DOCK2: variants seen among roughly 807,000 people sequenced by gnomAD.
DOCK2 encodes the protein dedicator of cytokinesis protein 2.
A neutral mutation model predicts 248.9 loss-of-function variants in DOCK2; 87 were observed. The ratio of observed to expected loss-of-function variants is 0.35; its 90% CI spans 0.29 to 0.42. The LOEUF (loss-of-function observed/expected upper bound fraction) is 0.42, where lower values mean the gene tolerates loss of function less well. DOCK2 is among the 10% of genes least tolerant of loss of function. DOCK2 has a pLI of 1.00. For synonymous variants in DOCK2, 805 were observed against 821.6 expected (o/e 0.98, Z 0.35); for missense variants, 1,747 against 2,300.2 (o/e 0.76, Z 4.92).
At chr5:169,652,892 AG>A (rs902401876) in intron 1 of DOCK2, among the ~76,000 whole-genome samples, 11 of 152,210 alleles carry the variant, frequency 7.2e-5, no homozygotes, top group Admixed American at 2.0e-4. Flanking sequence ...GACACAGAGC[AG>A]CATTGGCTAT....
intron 25 of DOCK2, among the ~76,000 whole-genome samples, chr5:169,797,729 G>A (rs1766739925): frequency 6.6e-6 from 1 of 152,162 alleles, no homozygotes; most frequent in South Asian, 2.1e-4. Flanking sequence ...GGGTGTGCAG[G>A]TCTCTGACAT....
At position 170,056,709 on chromosome 5, in the gene DOCK2, A is replaced by T; in HGVS notation, c.4321A>T (p.Arg1441Trp). ...CTTCTACAAATCCAACTACGTGCAA[A>T]GGTTCCACTACTCCCGGCCCGTGCG... is the stretch of plus-strand genomic sequence containing the variant. Reference protein sequence around the residue: ...INFYKSNYVQRFHYSRPVRRG... With the variant: ...INFYKSNYVQWFHYSRPVRRG... Residue 1441 changes from arginine (R) to tryptophan (W), a missense_variant, in exon 43 of 52, where the codon AGG becomes TGG. This residue lies in a region of DOCK2 where 513 missense variants were observed against 586.1 expected (regional missense o/e 0.88). Transcript: ENST00000520908. The T allele has an allele frequency of 9.9e-6, 16 of 1,614,022 alleles. No individual in the cohort carries two copies. Among genetic ancestry groups the T allele is most frequent in the Non-Finnish European group, 1.3e-5 (15 of 1,179,956 alleles).
chr5:169,957,429 A>G (rs1273435614), intron 27 of DOCK2, among the ~76,000 whole-genome samples: 3 of 152,336 alleles, frequency 2.0e-5, no homozygotes, highest in Non-Finnish European at 2.9e-5. Flanking sequence ...GCTTAGTACT[A>G]CTTTTTCTGT....
At chr5:169,751,224 C>T (rs1043410905) in intron 23 of DOCK2, among the ~76,000 whole-genome samples, 9 of 152,198 alleles carry the variant, frequency 5.9e-5, no homozygotes, top group Middle Eastern at 3.4e-3. Context: ...ATTCAGAAGG[C>T]GGGCATTTGT....
At chr5:169,837,720 A>G (rs965509527) in intron 26 of DOCK2, among the ~76,000 whole-genome samples, 1 of 152,146 alleles carries the variant, frequency 6.6e-6, no homozygotes, top group Non-Finnish European at 1.5e-5. Flanking sequence ...CAATTTGCCC[A>G]AGGTCACCCA....
intron 27 of DOCK2, among the ~76,000 whole-genome samples, chr5:169,898,880 G>C (rs532597004): frequency 2.0e-5 from 3 of 152,186 alleles, no homozygotes; most frequent in Admixed American, 1.3e-4. Flanking sequence ...CAGCAAGTCA[G>C]AGAACCAGAT....
At chr5:169,692,335 A>C (rs1181746962) in intron 9 of DOCK2, among the ~76,000 whole-genome samples, 1 of 152,228 alleles carries the variant, frequency 6.6e-6, no homozygotes, top group African/African-American at 2.4e-5. Flanking sequence ...GTTAAGTTCC[A>C]TTGCCCTGCT....
intron 34 of DOCK2, among the ~76,000 whole-genome samples, chr5:170,033,859 A>C (rs990187885): frequency 2.0e-5 from 3 of 152,198 alleles, no homozygotes; most frequent in Non-Finnish European, 4.4e-5. Context: ...GACATATTGA[A>C]TCTCTCCAAT....
At chr5:169,771,624 A>G (rs1765092221) in intron 25 of DOCK2, among the ~76,000 whole-genome samples, 1 of 152,138 alleles carries the variant, frequency 6.6e-6, no homozygotes, top group South Asian at 2.1e-4. Context: ...TTATTGATCT[A>G]TAGGATATTT....
At chr5:169,852,196 A>G (rs892581102) in intron 27 of DOCK2, among the ~76,000 whole-genome samples, 1 of 152,170 alleles carries the variant, frequency 6.6e-6, no homozygotes, top group Non-Finnish European at 1.5e-5. Context: ...ACCTCCAAAT[A>G]TCTCGGTGCC....
chr5:170,065,008 A>C (rs758984333), intron 44 of DOCK2, among the ~76,000 whole-genome samples: 4 of 152,180 alleles, frequency 2.6e-5, no homozygotes, highest in Non-Finnish European at 5.9e-5. Flanking sequence ...TCAATTATCT[A>C]GTATAAAGAT....
chr5:170,040,849 T>C, intron 36 of DOCK2: 1 of 480,494 alleles, frequency 2.1e-6, no homozygotes, highest in Non-Finnish European at 3.5e-6. Context: ...AAATTTAAAA[T>C]AGTTAACTTA....
At chr5:169,836,714 AC>A (rs1769602672) in intron 26 of DOCK2, among the ~76,000 whole-genome samples, 1 of 152,164 alleles carries the variant, frequency 6.6e-6, no homozygotes, top group Non-Finnish European at 1.5e-5. Flanking sequence ...GCCTGCTCTG[AC>A]CTGAAGATTT....
intron 5 of DOCK2, among the ~76,000 whole-genome samples, chr5:169,672,132 G>T (rs1759081822): frequency 6.6e-6 from 1 of 151,968 alleles, no homozygotes; most frequent in Admixed American, 6.6e-5. Flanking sequence ...TTGGCCTCCT[G>T]AGTAGCTGGG....
intron 27 of DOCK2, among the ~76,000 whole-genome samples, chr5:169,962,543 G>A (rs1470675489): frequency 1.3e-5 from 2 of 152,166 alleles, no homozygotes; most frequent in East Asian, 1.9e-4. Flanking sequence ...TGTCAGACAG[G>A]TAGTTGTGTC....
At chr5:170,015,388 C>T (rs907181417) in intron 32 of DOCK2, among the ~76,000 whole-genome samples, 3 of 152,094 alleles carry the variant, frequency 2.0e-5, no homozygotes, top group African/African-American at 7.2e-5. Context: ...CTGTCAGACT[C>T]GAAGACTCTA....
chr5:169,685,761 C>T (rs1264965144), intron 8 of DOCK2, among the ~76,000 whole-genome samples: 1 of 152,150 alleles, frequency 6.6e-6, no homozygotes, highest in Non-Finnish European at 1.5e-5. Flanking sequence ...TGTACATTGT[C>T]TCATCTAATC....
intron 1 of DOCK2, among the ~76,000 whole-genome samples, chr5:169,651,117 C>T (rs950691771): frequency 3.3e-5 from 5 of 152,174 alleles, no homozygotes; most frequent in African/African-American, 7.2e-5. Flanking sequence ...AGCCATCAAA[C>T]GTAGCAGAGG....
intron 27 of DOCK2, among the ~76,000 whole-genome samples, chr5:169,900,563 G>A (rs945675312): frequency 6.6e-6 from 1 of 152,180 alleles, no homozygotes; most frequent in Admixed American, 6.5e-5. Context: ...CATTTACAAA[G>A]CAAACCTAAA....
Sources: allele counts gnomAD v4.1 joint callset (sites outside exome capture counted in the v4.1 genomes callset), GRCh38; gene constraint gnomAD v4.1.1; regional missense constraint gnomAD v4.1.1; transcripts MANE v1.5; gene names NCBI Gene and HGNC (gene_info 2026-07-23, HGNC 2026-07-21).